ATXN7: variants seen among roughly 807,000 people sequenced by gnomAD.
ATXN7 encodes ataxin-7.
ATXN7 carries 12 observed loss-of-function variants against 70.5 expected under a neutral mutation model. The observed-to-expected ratio is 0.17, with a 90% confidence interval of 0.11 to 0.28. ATXN7 has a LOEUF of 0.28. Among genes scored for constraint, ATXN7 ranks in the 10% least tolerant of loss-of-function variants. The pLI, the probability that ATXN7 is intolerant of heterozygous loss-of-function variation, is 1.00. For synonymous variants in ATXN7, 498 were observed against 448.7 expected (o/e 1.11, Z -1.39); for missense variants, 1,256 against 1,131.7 (o/e 1.11, Z -1.58).
rs74321668 is a variant in ATXN7, at chr3:63,977,361, A to G, written c.500-2554A>G. Among the ~76,000 whole-genome samples, 293 of 152,336 alleles carry G rather than the reference A, an allele frequency of 1.9e-3. 2 individuals carry two copies. The highest frequency in any genetic ancestry group is 6.8e-3 in the African/African-American group (284 of 41,578). On this transcript the variant is annotated intron_variant, in intron 5 of 12. Coordinates refer to ENST00000674280, the MANE Select transcript of ATXN7 (RefSeq NM_001377405.1). ...TAATCATTTGATCTTCAAAGAAAATACATCACACATTTGCTCTGAGACACC... is the reference window on the plus strand; with the variant it reads ...TAATCATTTGATCTTCAAAGAAAATGCATCACACATTTGCTCTGAGACACC...
At chr3:63,955,722 A>G (rs1160726009) in intron 5 of ATXN7, among the ~76,000 whole-genome samples, 1 of 152,236 alleles carries the variant, frequency 6.6e-6, no homozygotes, top group Non-Finnish European at 1.5e-5. Flanking sequence ...TTACGTGCCA[A>G]AAGAGGGATG....
At chr3:63,936,253 A>AT (rs895027355) in intron 4 of ATXN7, among the ~76,000 whole-genome samples, 93 of 151,664 alleles carry the variant, frequency 6.1e-4, no homozygotes, top group African/African-American at 1.8e-3. Flanking sequence ...AATTATATGG[A>AT]TTTTTTTTTC....
chr3:63,984,001 A>G (rs958597952), intron 8 of ATXN7, among the ~76,000 whole-genome samples: 1 of 152,204 alleles, frequency 6.6e-6, no homozygotes, highest in Non-Finnish European at 1.5e-5. Context: ...AAATTTTATT[A>G]AAGTGTATTT....
At chr3:63,912,999 C>A in intron 3 of ATXN7, 76 bp downstream of exon 3, 1 of 1,443,426 alleles carries the variant, frequency 6.9e-7, no homozygotes. Flanking sequence ...CCCTGCCCCC[C>A]TCCTGTGACC....
chr3:63,985,705 T>G lies in ATXN7; in HGVS notation c.1096-2354T>G, dbSNP rs1249246698. On this transcript the variant is annotated intron_variant, in intron 8 of 12. Transcript: ENST00000674280. ...TCCCATCCTCACTGCCCCTCCTCAC[T>G]TCTTCATCTGTCTAATATCCCGTCG... 5.3e-5 allele frequency among the ~76,000 whole-genome samples: 8 copies of G among 151,592 alleles called. No individual in the cohort carries two copies. The South Asian group carries it at 1.7e-3, about 31-fold the overall frequency.
intron 2 of ATXN7, among the ~76,000 whole-genome samples, chr3:63,909,115 T>C (rs1703933683): frequency 6.6e-6 from 1 of 152,230 alleles, no homozygotes; most frequent in African/African-American, 2.4e-5. Flanking sequence ...ATAAATTGAA[T>C]ACTCATTATT....
chr3:63,915,332 T>C (rs77179851), intron 4 of ATXN7, among the ~76,000 whole-genome samples: 2 of 152,334 alleles, frequency 1.3e-5, no homozygotes, highest in East Asian at 3.9e-4. Context: ...AACGTACACC[T>C]GTCTGAGTTG....
chr3:63,975,238 G>T (rs575827003), intron 5 of ATXN7, among the ~76,000 whole-genome samples: 2 of 152,174 alleles, frequency 1.3e-5, no homozygotes, highest in East Asian at 1.9e-4. Context: ...CATGATACCC[G>T]TTGAGAATGG....
At chr3:63,998,393 C>T in intron 12 of ATXN7, 3 of 985,294 alleles carry the variant, frequency 3.0e-6, no homozygotes, top group Non-Finnish European at 3.6e-6. Context: ...TATACACACA[C>T]ACTTTTTTTT....
In ATXN7 at chr3:63,995,973, TTCC is replaced by T. The variant is rs1553695899; in HGVS notation, c.2160_2162del (p.Ser728del). ...ACAGTTCCCCACTGTTGGTTCACTC[TTCC>T]TCCTCCTCTTCCTCCTCCTCCTCTT... On this transcript the variant is annotated inframe_deletion, in exon 12 of 13. Transcript: ENST00000674280. The T allele has an allele frequency of 3.9e-5, 63 of 1,613,798 alleles. No homozygotes were observed. In the South Asian group the frequency reaches 6.5e-4, roughly 17 times the overall value.
At chr3:63,994,713 C>G (rs769325109) in intron 11 of ATXN7, among the ~76,000 whole-genome samples, 2 of 152,216 alleles carry the variant, frequency 1.3e-5, no homozygotes, top group African/African-American at 2.4e-5. Flanking sequence ...GCAATCCTGG[C>G]ACTTGCCTTC....
intron 1 of ATXN7, among the ~76,000 whole-genome samples, chr3:63,873,098 A>G (rs912394094): frequency 6.6e-6 from 1 of 152,052 alleles, no homozygotes; most frequent in African/African-American, 2.4e-5. Context: ...TTTGTATTCT[A>G]CTCTATAATA....
At chr3:63,939,387 G>C (rs576765482) in intron 4 of ATXN7, among the ~76,000 whole-genome samples, 13 of 152,084 alleles carry the variant, frequency 8.5e-5, no homozygotes, top group Non-Finnish European at 1.8e-4. Context: ...GACAGCTCTT[G>C]ATTGACCTCC....
At position 63,999,485 on chromosome 3, in the gene ATXN7, G is replaced by A. The variant is rs745466231; in HGVS notation, c.*18G>A. On this transcript the variant is annotated 3_prime_UTR_variant, in exon 13 of 13. Coordinates refer to ENST00000674280, the MANE Select transcript of ATXN7 (RefSeq NM_001377405.1). ...GTCCCTGACAGCTGAAAATAGCACG[G>A]GGAGGAATAATGCGGACACTTTTGA... 1.9e-6 allele frequency: 3 copies of A among 1,613,714 alleles called. No individual in the cohort carries two copies. The Admixed American group carries it at 5.0e-5, about 27-fold the overall frequency.
intron 1 of ATXN7, among the ~76,000 whole-genome samples, chr3:63,888,360 A>G (rs1703150054): frequency 6.6e-6 from 1 of 152,344 alleles, no homozygotes; most frequent in Middle Eastern, 3.4e-3. Flanking sequence ...TGTCTTAACT[A>G]TAGTGCAGTA....
At chr3:63,964,878 C>G (rs1057027615) in intron 5 of ATXN7, among the ~76,000 whole-genome samples, 1 of 152,186 alleles carries the variant, frequency 6.6e-6, no homozygotes, top group African/African-American at 2.4e-5. Flanking sequence ...AATGTTAAAG[C>G]TCCTGTAAGT....
chr3:63,938,341 C>G (rs1189634055), intron 4 of ATXN7, among the ~76,000 whole-genome samples: 3 of 152,150 alleles, frequency 2.0e-5, no homozygotes, highest in Non-Finnish European at 4.4e-5. Flanking sequence ...AACAAACTTG[C>G]ATTTAAGTAT....
At chr3:63,961,976 C>A (rs1287777090) in intron 5 of ATXN7, among the ~76,000 whole-genome samples, 1 of 152,118 alleles carries the variant, frequency 6.6e-6, no homozygotes, top group Non-Finnish European at 1.5e-5. Context: ...CGATTTCAAC[C>A]CCACTAAGCT....
In ATXN7 at chr3:63,919,699, A is replaced by G. The variant is rs551371717; in HGVS notation, c.394+6474A>G. ...TGCGCCATGTTGGTGTGCTGCACCC[A>G]TTAACTCGTCATTTAGCATTAGGTA... On this transcript the variant is annotated intron_variant, in intron 4 of 12. Transcript: ENST00000674280. Among the ~76,000 whole-genome samples the G allele has an allele frequency of 6.7e-5, 10 of 150,272 alleles. No individual in the cohort carries two copies. In the South Asian group the frequency reaches 2.1e-3, roughly 32 times the overall value.
Sources: allele counts gnomAD v4.1 joint callset (sites outside exome capture counted in the v4.1 genomes callset), GRCh38; gene constraint gnomAD v4.1.1; transcripts MANE v1.5; gene names NCBI Gene and HGNC (gene_info 2026-07-23, HGNC 2026-07-21).